THADA: variants seen among roughly 807,000 people sequenced by gnomAD.
THADA encodes tRNA (32-2'-O)-methyltransferase regulator THADA.
THADA carries 213 observed loss-of-function variants against 219.8 expected under a neutral mutation model. The ratio of observed to expected loss-of-function variants is 0.97; its 90% CI spans 0.87 to 1.09. The LOEUF (loss-of-function observed/expected upper bound fraction) is 1.09. THADA is among the 50% of genes least tolerant of loss of function. The probability of loss-of-function intolerance (pLI) is 0.00; values close to 1 mark genes in which losing one functional copy is unlikely to be tolerated. For synonymous variants in THADA, 1,018 were observed against 828.9 expected (o/e 1.23, Z -3.92); for missense variants, 2,956 against 2,311.3 (o/e 1.28, Z -5.72).
At chr2:43,438,000 G>A (rs1392427016) in intron 26 of THADA, among the ~76,000 whole-genome samples, 1 of 152,100 alleles carries the variant, frequency 6.6e-6, no homozygotes, top group Non-Finnish European at 1.5e-5. Flanking sequence ...TAGAAAGGAT[G>A]CTCAACTATA....
chr2:43,291,639 T>C (rs921395537), intron 34 of THADA, 57 bp downstream of exon 34: 2 of 1,382,180 alleles, frequency 1.4e-6, no homozygotes, highest in Admixed American at 2.5e-5. Context: ...TGACATCTTC[T>C]GAGTAAATGA....
intron 32 of THADA, among the ~76,000 whole-genome samples, 197 bp downstream of exon 32, chr2:43,292,637 T>C (rs1248393511): frequency 6.6e-6 from 1 of 152,186 alleles, no homozygotes; most frequent in African/African-American, 2.4e-5. Flanking sequence ...ATCAAAAGCT[T>C]TTCTTGGTGC....
chr2:43,541,405 A>C, intron 20 of THADA, 89 bp from the exon 21 acceptor site: 1 of 1,496,538 alleles, frequency 6.7e-7, no homozygotes, highest in Non-Finnish European at 9.2e-7. Flanking sequence ...TTCCCCAAGA[A>C]TAATCTGCTT....
At chr2:43,276,720 G>A (rs145959772) in intron 36 of THADA, among the ~76,000 whole-genome samples, 1 of 152,262 alleles carries the variant, frequency 6.6e-6, no homozygotes, top group African/African-American at 2.4e-5. Context: ...TCTCCATTTC[G>A]AATGTTGAGC....
chr2:43,333,859 G>A (rs1016501200), intron 30 of THADA, among the ~76,000 whole-genome samples: 26 of 152,354 alleles, frequency 1.7e-4, no homozygotes, highest in African/African-American at 5.8e-4. Context: ...GAGGGGACCA[G>A]CCCATGAGGG....
intron 36 of THADA, among the ~76,000 whole-genome samples, chr2:43,238,065 G>A (rs1668234747): frequency 7.9e-6 from 1 of 126,852 alleles, no homozygotes; most frequent in Non-Finnish European, 1.6e-5. Context: ...GTTGCAGTGA[G>A]CCAAGATCGT....
intron 1 of THADA, 68 bp downstream of exon 1, chr2:43,595,863 C>A (rs1342851225): frequency 6.6e-6 from 1 of 152,242 alleles, no homozygotes; most frequent in Admixed American, 6.5e-5. Flanking sequence ...GCTCGCCAGG[C>A]AGCCCTAGCA....
chr2:43,433,140 T>C (rs1157247245), intron 26 of THADA, among the ~76,000 whole-genome samples: 4 of 152,112 alleles, frequency 2.6e-5, no homozygotes, highest in Non-Finnish European at 5.9e-5. Context: ...TTGTGTATAG[T>C]GTGAGATAGA....
chr2:43,421,967 T>C (rs1311898561), intron 28 of THADA, among the ~76,000 whole-genome samples: 1 of 152,216 alleles, frequency 6.6e-6, no homozygotes, highest in Non-Finnish European at 1.5e-5. Context: ...GGCAGGTTGA[T>C]CATTTCATTC....
intron 28 of THADA, among the ~76,000 whole-genome samples, chr2:43,412,341 TA>T (rs1198361073): frequency 2.0e-5 from 3 of 152,172 alleles, no homozygotes; most frequent in Non-Finnish European, 4.4e-5. Flanking sequence ...AACCCAAGAT[TA>T]AAAATAAAGT....
chr2:43,424,809 G>A (rs1333145101), intron 28 of THADA, among the ~76,000 whole-genome samples: 1 of 152,182 alleles, frequency 6.6e-6, no homozygotes, highest in Non-Finnish European at 1.5e-5. Flanking sequence ...GGCTTCTACT[G>A]TATCTGGCCA....
At chr2:43,534,415 C>G (rs1176406666) in intron 21 of THADA, among the ~76,000 whole-genome samples, 1 of 152,122 alleles carries the variant, frequency 6.6e-6, no homozygotes, top group African/African-American at 2.4e-5. Flanking sequence ...GTAAAGAACA[C>G]TAGAGCTTAT....
intron 29 of THADA, among the ~76,000 whole-genome samples, chr2:43,395,861 C>A (rs898969081): frequency 4.6e-5 from 7 of 152,188 alleles, no homozygotes; most frequent in African/African-American, 1.4e-4. Flanking sequence ...AAGCAATTCT[C>A]GTGCCTCAGC....
chr2:43,515,926 T>C (rs1273235271), intron 22 of THADA, among the ~76,000 whole-genome samples: 1 of 152,070 alleles, frequency 6.6e-6, no homozygotes, highest in Non-Finnish European at 1.5e-5. Flanking sequence ...AAACTCCTGA[T>C]CTTCCTCCAA....
intron 28 of THADA, among the ~76,000 whole-genome samples, chr2:43,403,477 T>C (rs112920897): frequency 7.2e-5 from 11 of 152,290 alleles, no homozygotes; most frequent in African/African-American, 2.6e-4. Flanking sequence ...ATTTTTGAAC[T>C]GAGGGAACTT....
chr2:43,299,063 C>T (rs1558542626), intron 31 of THADA, among the ~76,000 whole-genome samples: 1 of 151,746 alleles, frequency 6.6e-6, no homozygotes, highest in Non-Finnish European at 1.5e-5. Flanking sequence ...TCAGTGTCCC[C>T]AAGGGAAAAA....
At chr2:43,397,032 T>A (rs1047287548) in intron 29 of THADA, among the ~76,000 whole-genome samples, 1 of 152,158 alleles carries the variant, frequency 6.6e-6, no homozygotes, top group Non-Finnish European at 1.5e-5. Context: ...AAAGTCCCTA[T>A]GAGGTATATG....
chr2:43,433,456 G>A (rs11888617), intron 26 of THADA, among the ~76,000 whole-genome samples: 8,731 of 151,946 alleles, frequency 0.057, 705 homozygotes, highest in African/African-American at 0.18. Flanking sequence ...TTGAACCTGG[G>A]AGGCAGAGGT....
chr2:43,337,347 T>C (rs7568141), intron 30 of THADA, among the ~76,000 whole-genome samples: 4,719 of 152,330 alleles, frequency 0.031, 158 homozygotes, highest in African/African-American at 0.09. Context: ...TTAACTAAAA[T>C]GGCTGTGAGG....
Sources: gnomAD v4.1 joint callset for allele counts (sites outside exome capture counted in the v4.1 genomes callset) on GRCh38, gnomAD v4.1.1 for gene constraint, MANE v1.5 for transcripts, NCBI Gene and HGNC (gene_info 2026-07-23, HGNC 2026-07-21) for gene names.